Variants in CCDC171 observed in about 807,000 individuals in gnomAD.
CCDC171 encodes the protein coiled-coil domain-containing protein 171.
Under a neutral mutation model 168.2 loss-of-function variants are expected in CCDC171, and 177 were observed. The ratio of observed to expected loss-of-function variants is 1.05; its 90% confidence interval spans 0.93 to 1.19. The LOEUF is 1.19. CCDC171 is among the 50% of genes most tolerant of loss of function. The pLI, the probability that CCDC171 is intolerant of heterozygous loss-of-function variation, is 0.00. For synonymous variants in CCDC171, 687 were observed against 540.8 expected (o/e 1.27, Z -3.75); for missense variants, 1,991 against 1,539.0 (o/e 1.29, Z -4.91).
At chr9:15,850,827 A>C (rs955490288) in intron 23 of CCDC171, among the ~76,000 whole-genome samples, 3 of 151,974 alleles carry the variant, frequency 2.0e-5, no homozygotes, top group African/African-American at 7.2e-5. Context: ...TGAAACAAAG[A>C]GTAGTATGGA....
chr9:16,052,679 G>A (rs1833769900), intron 1 of CCDC171, among the ~76,000 whole-genome samples: 1 of 151,962 alleles, frequency 6.6e-6, no homozygotes, highest in Non-Finnish European at 1.5e-5. Flanking sequence ...TGTAGAGTCC[G>A]CCCTCTATTT....
chr9:15,623,473 G>GCACACACACACA lies in CCDC171; in HGVS notation c.822+61_822+62insACACACACACAC, dbSNP rs1310330705. The GCACACACACACA allele has an allele frequency of 7.2e-3, 3,337 of 462,690 alleles. 26 individuals are homozygous for GCACACACACACA. Among genetic ancestry groups the GCACACACACACA allele is most frequent in the Non-Finnish European group, 8.1e-3 (2,202 of 273,426 alleles). The allele number at this position is 462,690 out of a possible 1,614,324, so 28.7% of individuals were successfully genotyped here. On this transcript the variant is annotated intron_variant, in intron 7 of 25. Coordinates refer to ENST00000380701, the MANE Select transcript of CCDC171 (RefSeq NM_173550.4). ...TACAAACTTTCACATATGCGCGCGC[G>GCACACACACACA]CGCACACACACACACACACACACAC...
At chr9:16,091,599 G>T in the CCDC171 span, among the ~76,000 whole-genome samples, 1 of 152,208 alleles carries the variant, frequency 6.6e-6, no homozygotes, top group South Asian at 2.1e-4. Flanking sequence ...GAACGGGAGA[G>T]TTGGGGCTCC....
At chr9:16,022,887 A>C (rs969194318) in exon 6 of CCDC171, 1 of 152,246 alleles carries the variant, frequency 6.6e-6, no homozygotes, top group African/African-American at 2.4e-5. Flanking sequence ...CATTTCAGCC[A>C]CATCCAGGAG....
chr9:16,100,512 G>A, the CCDC171 span, among the ~76,000 whole-genome samples: 4 of 152,172 alleles, frequency 2.6e-5, no homozygotes, highest in Admixed American at 6.5e-5. Flanking sequence ...CACAAATGTT[G>A]CGGCATCTGA....
At chr9:15,653,858 C>T (rs990595924) in intron 7 of CCDC171, among the ~76,000 whole-genome samples, 3 of 151,830 alleles carry the variant, frequency 2.0e-5, no homozygotes, top group African/African-American at 7.3e-5. Flanking sequence ...CCCAAGCAGT[C>T]CTCTCACCTC....
At chr9:15,928,159 CA>C (rs564102874) in intron 25 of CCDC171, among the ~76,000 whole-genome samples, 40 of 151,680 alleles carry the variant, frequency 2.6e-4, no homozygotes, top group Admixed American at 5.9e-4. Context: ...AAATCTTTAC[CA>C]TCATGGCACT....
chr9:15,846,931 T>C, intron 22 of CCDC171, 84 bp downstream of exon 22: 1 of 1,229,734 alleles, frequency 8.1e-7, no homozygotes, highest in Non-Finnish European at 1.1e-6. Context: ...TAGCCCTGGA[T>C]AATACAGTGT....
Position 15,723,744 on chromosome 9 carries a change from A to C in CCDC171, c.1489A>C (p.Lys497Gln). The C allele has an allele frequency of 6.9e-7, 1 of 1,439,516 alleles. No individual in the cohort carries two copies. The highest frequency in any genetic ancestry group is 1.4e-5 in the African/African-American group (1 of 70,638). The allele number at this position is 1,439,516 out of a possible 1,614,324, so 89.2% of individuals were successfully genotyped here. The stretch of plus-strand genomic sequence containing the variant: ...GATAGACTCTCACACTAAAAATATA[A>C]AGGTATTATTTAGAATAACTTTTAC... ...QKIDSHTKNI[K>Q]ELQDKLADVN... Residue 497 changes from lysine to glutamine, a missense_variant and splice_region_variant, in exon 13 of 26, where the codon AAG becomes CAG. Transcript: ENST00000380701.
At chr9:15,594,559 A>G (rs2042208033) in intron 6 of CCDC171, among the ~76,000 whole-genome samples, 2 of 152,300 alleles carry the variant, frequency 1.3e-5, no homozygotes, top group South Asian at 4.1e-4. Context: ...CTTTTTAAGA[A>G]GTACAAATTC....
chr9:16,102,103 A>G, the CCDC171 span, among the ~76,000 whole-genome samples: 1 of 152,222 alleles, frequency 6.6e-6, no homozygotes, highest in East Asian at 1.9e-4. Flanking sequence ...GTACACTTAC[A>G]GGGGTTTCTG....
chr9:15,861,079 T>C (rs1454051038), intron 23 of CCDC171, among the ~76,000 whole-genome samples: 1 of 151,860 alleles, frequency 6.6e-6, no homozygotes, highest in African/African-American at 2.4e-5. Flanking sequence ...TTTTGTATGA[T>C]ATAAATATAT....
chr9:15,594,733 A>G (rs1348001968), intron 6 of CCDC171, among the ~76,000 whole-genome samples: 1 of 152,144 alleles, frequency 6.6e-6, no homozygotes, highest in Non-Finnish European at 1.5e-5. Flanking sequence ...AATCTGGGAA[A>G]AGGCTGCAGG....
In CCDC171 at chr9:15,731,294, A is replaced by G. The variant is rs371292813; in HGVS notation, c.2049+1496A>G. ...TTTGATCAACATAAACACCCATGTG[A>G]TCATTACCCCATTTAAGACTTCAAA... On this transcript the variant is annotated intron_variant, in intron 16 of 25. Coordinates refer to ENST00000380701, the MANE Select transcript of CCDC171 (RefSeq NM_173550.4). 2.6e-5 allele frequency among the ~76,000 whole-genome samples: 4 copies of G among 152,156 alleles called. 1 individual carries two copies. The highest frequency in any genetic ancestry group is 1.3e-4 in the Admixed American group (2 of 15,276).
chr9:15,880,626 GTTTTT>G (rs57349228), intron 24 of CCDC171, among the ~76,000 whole-genome samples: 77,699 of 116,352 alleles, frequency 0.67, 24,789 homozygotes, highest in East Asian at 0.78. Context: ...CCGCCTAATT[GTTTTT>G]TTTTTTTTTT....
At chr9:15,883,832 A>G (rs1400606372) in intron 24 of CCDC171, among the ~76,000 whole-genome samples, 2 of 152,168 alleles carry the variant, frequency 1.3e-5, no homozygotes, top group East Asian at 3.8e-4. Flanking sequence ...TCATTTTTCT[A>G]GTTTTGTTGT....
chr9:15,705,285 C>G (rs1046686336), intron 11 of CCDC171, among the ~76,000 whole-genome samples: 2 of 152,194 alleles, frequency 1.3e-5, no homozygotes. Context: ...ACGGAAACTA[C>G]AACAACAAAA....
At chr9:15,747,480 C>T (rs1330972297) in intron 18 of CCDC171, among the ~76,000 whole-genome samples, 2 of 152,218 alleles carry the variant, frequency 1.3e-5, no homozygotes, top group African/African-American at 4.8e-5. Context: ...TAGGGGCCAA[C>T]AGACACCTCT....
chr9:15,751,872 C>T (rs1027077381), intron 18 of CCDC171, among the ~76,000 whole-genome samples: 1 of 152,102 alleles, frequency 6.6e-6, no homozygotes, highest in African/African-American at 2.4e-5. Context: ...GACTATAACA[C>T]CAAAAGCAAT....
Sources: gnomAD v4.1 joint callset for allele counts (sites outside exome capture counted in the v4.1 genomes callset) on GRCh38, gnomAD v4.1.1 for gene constraint, MANE v1.5 for transcripts, NCBI Gene and HGNC (gene_info 2026-07-23, HGNC 2026-07-21) for gene names.